Variants in PANK1 observed in about 807,000 individuals in gnomAD.
The protein encoded by PANK1 is pantothenate kinase 1, also known as pantothenic acid kinase 1.
Under a neutral mutation model 40.1 loss-of-function variants are expected in PANK1, and 18 were observed. The ratio of observed to expected loss-of-function variants is 0.45; its 90% CI spans 0.31 to 0.67. The LOEUF is 0.67. Among genes scored for constraint, PANK1 ranks in the 30% least tolerant of loss-of-function variants. PANK1 has a pLI of 0.06. For missense variants in PANK1, 457 were observed against 599.6 expected (o/e 0.76, Z 2.48); for synonymous variants, 242 against 237.7 (o/e 1.02, Z -0.17).
rs538096311 is a variant in PANK1 at position 89,622,555 on chromosome 10, G to T, written c.293-10507C>A. On this transcript the variant is annotated intron_variant, in intron 1 of 6. Transcript: ENST00000307534. ...AGCTTTAAAAAAATACTTAAAATAG[G>T]CCAGACGTGGTTGCTCATGCCTGTA... 5.3e-5 allele frequency among the ~76,000 whole-genome samples: 8 copies of T among 152,224 alleles called. No homozygotes were observed. The South Asian group carries it at 1.7e-3, about 32-fold the overall frequency.
chr10:89,602,663 G>C (rs972326811), intron 2 of PANK1, among the ~76,000 whole-genome samples: 2 of 152,170 alleles, frequency 1.3e-5, no homozygotes, highest in Non-Finnish European at 2.9e-5. Context: ...TCGGGGCTTA[G>C]TTTCCTTTAC....
At chr10:89,592,626 G>T (rs1844432669) in intron 5 of PANK1, 4 of 465,738 alleles carry the variant, frequency 8.6e-6, no homozygotes, top group Non-Finnish European at 1.3e-5. Flanking sequence ...TTCAGAAAAG[G>T]TTCAATTTTT....
In PANK1 at chr10:89,611,999, C is replaced by G. The variant is rs752278074; in HGVS notation, c.342G>C (p.Val114=). The G allele has an allele frequency of 6.2e-7, 1 of 1,614,040 alleles. No individual in the cohort carries two copies. Among genetic ancestry groups the G allele is most frequent in the Non-Finnish European group, 8.5e-7 (1 of 1,180,026 alleles). The change falls in exon 2 of 7, where the codon GTG becomes GTC. Residue 114 remains valine, a synonymous_variant. Transcript: ENST00000307534. Reference sequence around the variant, plus strand: ...CTGTAATATCCTTCGGCTCGAAATACACCAATTTAACCAGCGTTCCACCGA... The same window carrying G: ...CTGTAATATCCTTCGGCTCGAAATAGACCAATTTAACCAGCGTTCCACCGA... The part of the protein sequence containing the change: ...MDIGGTLVKL[V]YFEPKDITAE...
At chr10:89,622,250 G>C (rs553993041) in intron 1 of PANK1, among the ~76,000 whole-genome samples, 8 of 152,310 alleles carry the variant, frequency 5.3e-5, no homozygotes, top group Non-Finnish European at 1.2e-4. Context: ...ATCACACACA[G>C]AGCAATCTGT....
At chr10:89,586,463 A>G (rs1844199445) in intron 6 of PANK1, among the ~76,000 whole-genome samples, 1 of 152,178 alleles carries the variant, frequency 6.6e-6, no homozygotes, top group African/African-American at 2.4e-5. Flanking sequence ...AGTCTGCTTT[A>G]AAAACAAGAG....
Position 89,596,343 on chromosome 10 carries a change from G to A in PANK1, c.900-2354C>T, listed in dbSNP as rs1017665453. ...CAACCCACTCCAAAGGTAGGCAACTGAAGACACTGGCTAACTTAGAAAGAA... is the reference window on the plus strand; with the variant it reads ...CAACCCACTCCAAAGGTAGGCAACTAAAGACACTGGCTAACTTAGAAAGAA... On this transcript the variant is annotated intron_variant, in intron 3 of 6. Transcript: ENST00000307534. Among the ~76,000 whole-genome samples, 9 of 152,172 alleles carry A rather than the reference G, an allele frequency of 5.9e-5. 1 individual carries two copies. Among genetic ancestry groups the A allele is most frequent in the African/African-American group, 1.4e-4 (6 of 41,426 alleles).
At chr10:89,599,056 G>T in intron 3 of PANK1, 196 bp downstream of exon 3, 1 of 556,204 alleles carries the variant, frequency 1.8e-6, no homozygotes, top group Admixed American at 3.4e-5. Flanking sequence ...TTTCTATCAA[G>T]GCAAGAACTG....
intron 1 of PANK1, among the ~76,000 whole-genome samples, chr10:89,636,533 C>T (rs761571177): frequency 6.6e-6 from 1 of 151,604 alleles, no homozygotes; most frequent in Non-Finnish European, 1.5e-5. Flanking sequence ...CTCACTGCAA[C>T]CTCCACCTCG....
At position 89,642,962 on chromosome 10, in the gene PANK1, A is replaced by G. The variant is rs191517840; in HGVS notation, c.292+1638T>C. Among the ~76,000 whole-genome samples, 4 of 152,340 alleles carry G rather than the reference A, an allele frequency of 2.6e-5. No homozygotes were observed. In the East Asian group the frequency reaches 7.7e-4, roughly 29 times the overall value. ...TTTCTGATACAAAGCACACAGGCAG[A>G]TAGTTACATTTTCTTGTATTTTAAA... On this transcript the variant is annotated intron_variant, in intron 1 of 6. Transcript: ENST00000307534.
intron 3 of PANK1, among the ~76,000 whole-genome samples, chr10:89,595,922 T>C (rs1220021399): frequency 7.1e-6 from 1 of 140,338 alleles, no homozygotes; most frequent in Non-Finnish European, 1.5e-5. Flanking sequence ...ATATATATGA[T>C]TGAAATTATG....
chr10:89,628,988 T>C (rs1023709901), intron 1 of PANK1, among the ~76,000 whole-genome samples: 3 of 152,248 alleles, frequency 2.0e-5, no homozygotes, highest in East Asian at 3.8e-4. Context: ...AATTTCTCAC[T>C]GCTGTCAGTG....
chr10:89,607,879 T>A (rs1448316340), intron 2 of PANK1, among the ~76,000 whole-genome samples: 1 of 152,110 alleles, frequency 6.6e-6, no homozygotes, highest in Non-Finnish European at 1.5e-5. Flanking sequence ...AAGCCACTTT[T>A]TAAATGGTGG....
intron 2 of PANK1, among the ~76,000 whole-genome samples, chr10:89,610,814 T>C (rs545065048): frequency 6.6e-6 from 1 of 152,364 alleles, no homozygotes; most frequent in Admixed American, 6.5e-5. Context: ...CCCTTCCTTC[T>C]TCCATGTTCA....
intron 5 of PANK1, chr10:89,592,810 G>T (rs1244915461): frequency 3.7e-6 from 2 of 536,334 alleles, no homozygotes; most frequent in African/African-American, 3.8e-5. Flanking sequence ...ACACTGTAAA[G>T]AAGCTGAAAG....
intron 6 of PANK1, among the ~76,000 whole-genome samples, chr10:89,588,152 T>G (rs565221347): frequency 6.6e-6 from 1 of 152,188 alleles, no homozygotes; most frequent in Non-Finnish European, 1.5e-5. Context: ...AGAATTTCTT[T>G]TTAAGTGCTG....
intron 3 of PANK1, among the ~76,000 whole-genome samples, chr10:89,594,586 A>G (rs150347961): frequency 7.7e-4 from 118 of 152,322 alleles, no homozygotes; most frequent in African/African-American, 2.6e-3. Flanking sequence ...ATTTCTAGAA[A>G]GGAACCACTG....
chr10:89,634,540 A>AT (rs1841747964), intron 1 of PANK1, among the ~76,000 whole-genome samples: 2 of 152,168 alleles, frequency 1.3e-5, no homozygotes, highest in African/African-American at 2.4e-5. Context: ...TTGCAAGGTC[A>AT]TTTTTTCAAT....
chr10:89,584,158 C>A lies in PANK1; in HGVS notation c.*248G>T. On this transcript the variant is annotated 3_prime_UTR_variant, in exon 7 of 7. Transcript: ENST00000307534. Reference sequence around the variant, plus strand: ...TGCATACAATTGGTAGGTTTGGCCACGCTGCACCATTTTTTTAAAAAAATA... The same window carrying A: ...TGCATACAATTGGTAGGTTTGGCCAAGCTGCACCATTTTTTTAAAAAAATA... 2.4e-6 allele frequency: 1 copy of A among 422,138 alleles called. No individual in the cohort carries two copies. The highest frequency in any genetic ancestry group is 4.2e-6 in the Non-Finnish European group (1 of 236,114). The allele number at this position is 422,138 out of a possible 1,614,324, so 26.1% of individuals were successfully genotyped here. A position where few individuals can be genotyped will look rare whatever the true frequency, so the allele number is the denominator to read the frequency against.
intron 6 of PANK1, among the ~76,000 whole-genome samples, chr10:89,587,042 G>A (rs1226560465): frequency 6.6e-6 from 1 of 151,978 alleles, no homozygotes; most frequent in Non-Finnish European, 1.5e-5. Flanking sequence ...AGAATTGCTT[G>A]AACCTGGGAG....
Sources: allele counts gnomAD v4.1 joint callset (sites outside exome capture counted in the v4.1 genomes callset), GRCh38; gene constraint gnomAD v4.1.1; transcripts MANE v1.5; gene names NCBI Gene and HGNC (gene_info 2026-07-23, HGNC 2026-07-21).